Variants in LRRK1 observed in about 807,000 individuals in gnomAD.
LRRK1 encodes leucine rich repeat kinase 1.
LRRK1 carries 113 observed loss-of-function variants against 209.1 expected under a neutral mutation model. The observed-to-expected ratio is 0.54, with a 90% CI of 0.46 to 0.63. The LOEUF (loss-of-function observed/expected upper bound fraction) is 0.63, where lower values mean the gene tolerates loss of function less well. Among genes scored for constraint, LRRK1 ranks in the 30% least tolerant of loss-of-function variants. The pLI is 0.00. For synonymous variants in LRRK1, 1,144 were observed against 1,099.7 expected (o/e 1.04, Z -0.80); for missense variants, 2,284 against 2,632.2 (o/e 0.87, Z 2.89).
chr15:101,011,594 GTGTGTGTGCA>G, intron 9 of LRRK1, among the ~76,000 whole-genome samples: 1 of 151,948 alleles, frequency 6.6e-6, no homozygotes, highest in South Asian at 2.1e-4. Context: ...ATGTGTGTGT[GTGTGTGTGCA>G]TGTGTGTGTG....
At chr15:101,034,717 G>A (rs1248580915) in intron 20 of LRRK1, among the ~76,000 whole-genome samples, 1 of 151,962 alleles carries the variant, frequency 6.6e-6, no homozygotes, top group East Asian at 1.9e-4. Flanking sequence ...TTTTTGCTCA[G>A]GATTGCTTTA....
At chr15:100,976,811 G>C (rs1168195369) in intron 3 of LRRK1, among the ~76,000 whole-genome samples, 2 of 152,178 alleles carry the variant, frequency 1.3e-5, no homozygotes, top group African/African-American at 4.8e-5. Context: ...GGCTGCTACA[G>C]AAATCTCAGT....
At chr15:101,007,683 C>G (rs1360560527) in intron 6 of LRRK1, among the ~76,000 whole-genome samples, 1 of 152,102 alleles carries the variant, frequency 6.6e-6, no homozygotes, top group Non-Finnish European at 1.5e-5. Context: ...CGTGGGGAAG[C>G]TGGGGGGCCT....
intron 2 of LRRK1, among the ~76,000 whole-genome samples, chr15:100,973,112 GC>G (rs1397393250): frequency 1.3e-5 from 2 of 152,228 alleles, no homozygotes; most frequent in Non-Finnish European, 2.9e-5. Context: ...GCCTGCCGTG[GC>G]CGCCCCGTGA....
intron 2 of LRRK1, among the ~76,000 whole-genome samples, chr15:100,954,597 T>A (rs2042717177): frequency 6.6e-6 from 1 of 152,218 alleles, no homozygotes; most frequent in South Asian, 2.1e-4. Flanking sequence ...GATTTTTTCC[T>A]ATGTTTTCTC....
At chr15:101,017,677 T>TCATC (rs778691801) in intron 12 of LRRK1, among the ~76,000 whole-genome samples, 1 of 152,174 alleles carries the variant, frequency 6.6e-6, no homozygotes, top group Non-Finnish European at 1.5e-5. Flanking sequence ...TGGAACAGTT[T>TCATC]CATCCCTAAA....
intron 31 of LRRK1, 109 bp from the exon 32 acceptor site, chr15:101,065,243 A>G: frequency 5.8e-6 from 8 of 1,371,444 alleles, no homozygotes; most frequent in Admixed American, 2.0e-5. Flanking sequence ...ACTGGTGGAA[A>G]GTGACTGCCC....
In LRRK1 at chr15:100,963,130, C is replaced by T. The variant is rs187930243; in HGVS notation, c.98-10674C>T. Among the ~76,000 whole-genome samples the T allele has an allele frequency of 4.6e-5, 7 of 151,878 alleles. No individual in the cohort carries two copies. In the East Asian group the frequency reaches 1.2e-3, roughly 25 times the overall value. On this transcript the variant is annotated intron_variant, in intron 2 of 33. Coordinates refer to ENST00000388948, the MANE Select transcript of LRRK1 (RefSeq NM_024652.6). ...GAGCCACCACGCCCAGCCCATTTTG[C>T]GTACTTTTAAATGGTGTCCATCTGT...
chr15:101,027,190 G>A lies in LRRK1; in HGVS notation c.2406-71G>A, dbSNP rs2034069683. 1.4e-5 allele frequency: 22 copies of A among 1,584,894 alleles called. No individual in the cohort carries two copies. In the South Asian group the frequency reaches 2.3e-4, roughly 17 times the overall value. Reference sequence around the variant, plus strand: ...CCAGCGTTCAGGACAAACCTCTCAGGGAAACAGAGAAGCAGCAGCGCTTCC... The same window carrying A: ...CCAGCGTTCAGGACAAACCTCTCAGAGAAACAGAGAAGCAGCAGCGCTTCC... On this transcript the variant is annotated intron_variant, in intron 17 of 33. Transcript: ENST00000388948. This position sits in a 1 kb window ranked among gnomAD's most constrained non-coding sequence, Gnocchi z 5.1.
chr15:100,947,275 C>A (rs1425114787), intron 2 of LRRK1, among the ~76,000 whole-genome samples: 1 of 152,020 alleles, frequency 6.6e-6, no homozygotes, highest in Non-Finnish European at 1.5e-5. Context: ...TCAAATCAAA[C>A]AAAACACAGG....
At chr15:101,037,549 T>A (rs1443374859) in intron 20 of LRRK1, among the ~76,000 whole-genome samples, 1 of 152,136 alleles carries the variant, frequency 6.6e-6, no homozygotes, top group African/African-American at 2.4e-5. Flanking sequence ...AGCAATGGAA[T>A]GCTCAGGCTG....
At position 101,074,042 on chromosome 15, in the gene LRRK1, C is replaced by T. The variant is rs952985739; in HGVS notation, c.*5194C>T. Reference sequence around the variant, plus strand: ...TGGGCAAATGGTCTGAGGTGCCTGACGTCCAGGCGTTCTTTTACACATCAG... The same window carrying T: ...TGGGCAAATGGTCTGAGGTGCCTGATGTCCAGGCGTTCTTTTACACATCAG... On this transcript the variant is annotated 3_prime_UTR_variant, in exon 34 of 34. Transcript: ENST00000388948. 4 of 152,142 alleles carry T rather than the reference C, an allele frequency of 2.6e-5. No homozygotes were observed. The highest frequency in any genetic ancestry group is 2.1e-4 in the South Asian group (1 of 4,828). 9.4% of individuals were successfully genotyped at this position (152,142 alleles called of 1,614,324 possible).
At chr15:101,013,151 G>C (rs2033354718) in intron 10 of LRRK1, among the ~76,000 whole-genome samples, 2 of 152,190 alleles carry the variant, frequency 1.3e-5, no homozygotes, top group Non-Finnish European at 1.5e-5. Context: ...ACTGGGAAGG[G>C]GTGGGTGGGT....
chr15:101,040,427 T>G (rs1596308716), intron 20 of LRRK1, among the ~76,000 whole-genome samples: 1 of 152,178 alleles, frequency 6.6e-6, no homozygotes, highest in African/African-American at 2.4e-5. Context: ...TTGATCAGTC[T>G]TGCTAAGTGT....
chr15:101,033,161 T>A (rs1306874083), intron 20 of LRRK1, among the ~76,000 whole-genome samples: 1 of 152,164 alleles, frequency 6.6e-6, no homozygotes, highest in Non-Finnish European at 1.5e-5. Context: ...TACATAATAT[T>A]TTACGTATTT....
rs2035580980 is a variant in LRRK1, at chr15:101,053,241, T to C, written c.3875T>C (p.Leu1292Pro). The stretch of plus-strand genomic sequence containing the variant: ...CTGGCAGACACCATGCTGAGGCACC[T>C]GCGGGCCACCGATGCCATGAAGAAC... The part of the protein sequence containing the change: ...NVPADTMLRH[L>P]RATDAMKNFS... Residue 1292 changes from leucine to proline, a missense_variant, in exon 26 of 34, where the codon CTG becomes CCG. Physicochemically the swap from Leu to Pro is moderately conservative, Grantham distance 98. This residue lies in a region of LRRK1 where 780 missense variants were observed against 985.2 expected (regional missense o/e 0.79). Coordinates refer to ENST00000388948, the MANE Select transcript of LRRK1 (RefSeq NM_024652.6). 1 of 1,606,088 alleles carries C rather than the reference T, an allele frequency of 6.2e-7. No individual in the cohort carries two copies. Among genetic ancestry groups the C allele is most frequent in the African/African-American group, 1.3e-5 (1 of 74,942 alleles).
Position 100,987,047 on chromosome 15 carries a change from A to G in LRRK1, c.434-1587A>G, listed in dbSNP as rs1250422049. On this transcript the variant is annotated intron_variant, in intron 4 of 33. Coordinates refer to ENST00000388948, the MANE Select transcript of LRRK1 (RefSeq NM_024652.6). ...TGGTTACTGTGTTTCTCTTACCCAG[A>G]TATTCTTGTGTAAGTGGATTAGGGG... Among the ~76,000 whole-genome samples, 4 of 152,278 alleles carry G rather than the reference A, an allele frequency of 2.6e-5. No individual in the cohort carries two copies. In the East Asian group the frequency reaches 7.7e-4, roughly 29 times the overall value.
chr15:100,922,344 G>C (rs2042035208), intron 1 of LRRK1, among the ~76,000 whole-genome samples: 1 of 152,124 alleles, frequency 6.6e-6, no homozygotes, highest in Admixed American at 6.5e-5. Flanking sequence ...TCCAGGGGCA[G>C]AGTCTTCCAC....
At chr15:101,003,494 T>C (rs2141684860) in intron 6 of LRRK1, among the ~76,000 whole-genome samples, 1 of 152,348 alleles carries the variant, frequency 6.6e-6, no homozygotes, top group Non-Finnish European at 1.5e-5. Context: ...AGAGGTTTAA[T>C]GGACTCACAG....
Sources: gnomAD v4.1 joint callset for allele counts (sites outside exome capture counted in the v4.1 genomes callset) on GRCh38, gnomAD v4.1.1 for gene constraint, gnomAD v4.1.1 regional missense constraint, Gnocchi (gnomAD v3.1) non-coding constraint, MANE v1.5 for transcripts, NCBI Gene and HGNC (gene_info 2026-07-23, HGNC 2026-07-21) for gene names.